RPS6KC1: variants seen among roughly 807,000 people sequenced by gnomAD.
The protein encoded by RPS6KC1 is inactive ribosomal protein S6 kinase delta-1.
In RPS6KC1, 54 loss-of-function variants were observed where a neutral mutation model predicts 103.8. The ratio of observed to expected loss-of-function variants is 0.52; its 90% CI spans 0.42 to 0.65. The LOEUF (loss-of-function observed/expected upper bound fraction) is 0.65. RPS6KC1 is among the 30% of genes least tolerant of loss of function. The probability of loss-of-function intolerance (pLI) is 0.00; values close to 1 mark genes in which losing one functional copy is unlikely to be tolerated. For synonymous variants in RPS6KC1, 439 were observed against 438.7 expected (o/e 1.00, Z -0.01); for missense variants, 1,151 against 1,253.8 (o/e 0.92, Z 1.24).
the RPS6KC1 span, among the ~76,000 whole-genome samples, chr1:213,768,426 G>A: frequency 6.6e-6 from 1 of 152,178 alleles, no homozygotes; most frequent in Non-Finnish European, 1.5e-5. Context: ...AGGGAGAGAG[G>A]GAGGAAGGGG....
chr1:213,684,138 T>A, the RPS6KC1 span, among the ~76,000 whole-genome samples: 1 of 152,210 alleles, frequency 6.6e-6, no homozygotes. Flanking sequence ...TTCATGTCTC[T>A]GCTGATGCTA....
chr1:213,054,645 C>G (rs1008156186), intron 1 of RPS6KC1, among the ~76,000 whole-genome samples: 1 of 152,120 alleles, frequency 6.6e-6, no homozygotes, highest in Non-Finnish European at 1.5e-5. Flanking sequence ...ATTGGAAGTA[C>G]CAATGTTAAA....
intron 8 of RPS6KC1, among the ~76,000 whole-genome samples, chr1:213,210,707 A>G (rs561204844): frequency 6.6e-6 from 1 of 152,378 alleles, no homozygotes; most frequent in South Asian, 2.1e-4. Context: ...CAATACCAGA[A>G]GTTTGGCTCC....
intron 8 of RPS6KC1, among the ~76,000 whole-genome samples, chr1:213,218,535 G>A (rs1256536765): frequency 6.6e-6 from 1 of 152,068 alleles, no homozygotes; most frequent in African/African-American, 2.4e-5. Flanking sequence ...AAGTTCATAT[G>A]GAACCAAAAA....
At chr1:213,070,466 CAG>C (rs774437394) in intron 1 of RPS6KC1, among the ~76,000 whole-genome samples, 6 of 152,130 alleles carry the variant, frequency 3.9e-5, no homozygotes, top group Non-Finnish European at 8.8e-5. Flanking sequence ...TTAAATTTAA[CAG>C]AGTTTAATTG....
intron 8 of RPS6KC1, among the ~76,000 whole-genome samples, chr1:213,229,779 G>T (rs149728550): frequency 6.7e-4 from 102 of 152,260 alleles, no homozygotes; most frequent in African/African-American, 2.3e-3. Context: ...CTCTCAGTGA[G>T]ATAAGAAGAG....
At chr1:213,310,357 A>T in the RPS6KC1 span, among the ~76,000 whole-genome samples, 1 of 152,034 alleles carries the variant, frequency 6.6e-6, no homozygotes, top group South Asian at 2.1e-4. Context: ...CCCGTATCCC[A>T]TCCTCCCTCC....
the RPS6KC1 span, among the ~76,000 whole-genome samples, chr1:213,705,131 A>G: frequency 1.3e-5 from 2 of 152,200 alleles, no homozygotes; most frequent in Non-Finnish European, 2.9e-5. Flanking sequence ...GCTATCACCA[A>G]TGTTTGCTCA....
the RPS6KC1 span, among the ~76,000 whole-genome samples, chr1:213,724,836 T>C: frequency 4.3e-3 from 652 of 152,354 alleles, 5 homozygotes; most frequent in Non-Finnish European, 6.0e-3. Flanking sequence ...TCAGGCACTG[T>C]GCTGTGCCTG....
intron 6 of RPS6KC1, among the ~76,000 whole-genome samples, chr1:213,162,801 T>C (rs1178509460): frequency 6.6e-6 from 1 of 152,260 alleles, no homozygotes; most frequent in Non-Finnish European, 1.5e-5. Context: ...AAAACAATCA[T>C]AATTGAGGCA....
At chr1:213,788,483 A>G in the RPS6KC1 span, among the ~76,000 whole-genome samples, 1 of 152,296 alleles carries the variant, frequency 6.6e-6, no homozygotes, top group South Asian at 2.1e-4. Flanking sequence ...TCTAAGTATG[A>G]AAAAAGCAAA....
chr1:213,848,058 G>A, the RPS6KC1 span, among the ~76,000 whole-genome samples: 1 of 152,128 alleles, frequency 6.6e-6, no homozygotes, highest in East Asian at 1.9e-4. Context: ...TTGAGTAGAA[G>A]AAGATACAAA....
chr1:213,479,086 G>C, the RPS6KC1 span, among the ~76,000 whole-genome samples: 3 of 152,084 alleles, frequency 2.0e-5, no homozygotes, highest in Non-Finnish European at 2.9e-5. Flanking sequence ...AATACATATA[G>C]ATTTACTTAT....
the RPS6KC1 span, among the ~76,000 whole-genome samples, chr1:213,639,548 G>A: frequency 1.3e-5 from 2 of 151,960 alleles, no homozygotes; most frequent in African/African-American, 4.8e-5. Context: ...TTTGGTAGAT[G>A]TTCCTCATCA....
At chr1:213,060,620 G>T (rs2148346458) in intron 1 of RPS6KC1, among the ~76,000 whole-genome samples, 1 of 152,226 alleles carries the variant, frequency 6.6e-6, no homozygotes, top group African/African-American at 2.4e-5. Context: ...CTTGTTTGTT[G>T]ACAACTTGTC....
At chr1:213,102,261 C>T (rs1205672490) in intron 3 of RPS6KC1, among the ~76,000 whole-genome samples, 2 of 152,140 alleles carry the variant, frequency 1.3e-5, no homozygotes, top group African/African-American at 4.8e-5. Context: ...GTTGCTGTGT[C>T]ATTTTTTAAT....
At chr1:213,304,033 G>T in the RPS6KC1 span, among the ~76,000 whole-genome samples, 2 of 150,802 alleles carry the variant, frequency 1.3e-5, no homozygotes, top group South Asian at 4.2e-4. Flanking sequence ...GTGAAACCCC[G>T]TCTCTACTAA....
chr1:213,710,084 C>T, the RPS6KC1 span, among the ~76,000 whole-genome samples: 1 of 152,194 alleles, frequency 6.6e-6, no homozygotes. Context: ...TGTTAATTTT[C>T]TGTCTTGTTG....
the RPS6KC1 span, among the ~76,000 whole-genome samples, chr1:213,482,349 C>A: frequency 6.6e-6 from 1 of 151,522 alleles, no homozygotes; most frequent in African/African-American, 2.4e-5. Context: ...TTTTTTAATT[C>A]TCCTTTTGGC....
Sources: allele counts gnomAD v4.1 joint callset (sites outside exome capture counted in the v4.1 genomes callset), GRCh38; gene constraint gnomAD v4.1.1; transcripts MANE v1.5; gene names NCBI Gene and HGNC (gene_info 2026-07-23, HGNC 2026-07-21).